CSRNP3: variants seen among roughly 807,000 people sequenced by gnomAD.
CSRNP3 encodes cysteine and serine rich nuclear protein 3.
In CSRNP3, 12 loss-of-function variants were observed where a neutral mutation model predicts 48.0. That is an observed-to-expected ratio of 0.25 (90% confidence interval 0.16 to 0.41). The LOEUF (loss-of-function observed/expected upper bound fraction) is 0.41. Among genes scored for constraint, CSRNP3 ranks in the 10% least tolerant of loss-of-function variants. The pLI is 1.00. For missense variants in CSRNP3, 580 were observed against 724.4 expected, an observed-to-expected ratio of 0.80 and a Z score of 2.29; for synonymous variants, 263 against 269.7, an observed-to-expected ratio of 0.98 and a Z score of 0.24.
intron 4 of CSRNP3, among the ~76,000 whole-genome samples, chr2:165,596,898 A>G (rs1206992591): frequency 6.6e-6 from 1 of 152,200 alleles, no homozygotes. Context: ...CTATGCTCCA[A>G]TAGCTTTATA....
chr2:165,575,408 T>C (rs1685432263), intron 3 of CSRNP3, among the ~76,000 whole-genome samples: 1 of 55,156 alleles, frequency 1.8e-5, no homozygotes, highest in Admixed American at 1.8e-4. Flanking sequence ...TTGCATCAAC[T>C]GTGCATCTGT....
chr2:165,498,912 G>T (rs554439418), intron 2 of CSRNP3, among the ~76,000 whole-genome samples: 52 of 152,212 alleles, frequency 3.4e-4, no homozygotes, highest in Non-Finnish European at 7.1e-4. Flanking sequence ...AAGAGCACAA[G>T]AATTAAAGTT....
At chr2:165,615,469 G>T (rs1345701457) in intron 4 of CSRNP3, among the ~76,000 whole-genome samples, 1 of 151,744 alleles carries the variant, frequency 6.6e-6, no homozygotes, top group South Asian at 2.1e-4. Flanking sequence ...TGTGAACCCG[G>T]GAGGCAGAGC....
At chr2:165,619,583 AC>A (rs1168328329) in intron 4 of CSRNP3, among the ~76,000 whole-genome samples, 1 of 152,114 alleles carries the variant, frequency 6.6e-6, no homozygotes, top group Non-Finnish European at 1.5e-5. Context: ...AAAGTTCTAC[AC>A]ACATACAAAC....
intron 4 of CSRNP3, among the ~76,000 whole-genome samples, chr2:165,616,444 T>C (rs1352438985): frequency 6.6e-6 from 1 of 152,230 alleles, no homozygotes; most frequent in East Asian, 1.9e-4. Context: ...GCATTTCCCG[T>C]AGGACCAGAC....
chr2:165,575,168 T>A (rs1685428390), intron 3 of CSRNP3, among the ~76,000 whole-genome samples: 1 of 152,204 alleles, frequency 6.6e-6, no homozygotes, highest in Admixed American at 6.5e-5. Flanking sequence ...CTTCTTTCCA[T>A]GCACGAAATA....
intron 3 of CSRNP3, chr2:165,574,311 G>GA (rs775253960): frequency 6.1e-6 from 9 of 1,479,214 alleles, no homozygotes; most frequent in East Asian, 2.5e-5. Context: ...TCAGTTGCCT[G>GA]AAAAAAATGT....
At chr2:165,532,060 A>G (rs1442838332) in intron 3 of CSRNP3, among the ~76,000 whole-genome samples, 4 of 152,198 alleles carry the variant, frequency 2.6e-5, no homozygotes, top group Non-Finnish European at 5.9e-5. Flanking sequence ...AATTGAGGCA[A>G]CAATCAATAG....
chr2:165,535,314 T>C (rs1217640252), intron 3 of CSRNP3, among the ~76,000 whole-genome samples: 1 of 151,534 alleles, frequency 6.6e-6, no homozygotes, highest in Non-Finnish European at 1.5e-5. Context: ...CTTTAGCTTG[T>C]TCTTTTTTTT....
chr2:165,556,526 G>A (rs552388860), intron 3 of CSRNP3, among the ~76,000 whole-genome samples: 57 of 152,286 alleles, frequency 3.7e-4, no homozygotes, highest in African/African-American at 1.4e-3. Context: ...AAGTGGGAAT[G>A]GTTGCAGGAG....
intron 3 of CSRNP3, among the ~76,000 whole-genome samples, chr2:165,567,279 T>C (rs992055269): frequency 5.3e-5 from 8 of 152,110 alleles, no homozygotes; most frequent in African/African-American, 1.9e-4. Context: ...ATCTTTTGTG[T>C]TCTCTGAGAG....
At position 165,559,476 on chromosome 2, in the gene CSRNP3, CCAAGATAAATGCTAGGAAACTG is replaced by C. The variant is rs201679650; in HGVS notation, c.-23-35566_-23-35545del. On this transcript the variant is annotated intron_variant, in intron 3 of 6. Coordinates refer to ENST00000651982, the MANE Select transcript of CSRNP3 (RefSeq NM_001172173.2). The stretch of plus-strand genomic sequence containing the variant: ...CTGATAAAACTTTAAATACACTAGA[CCAAGATAAATGCTAGGAAACTG>C]ATATTTTTTAAAAAATGAACAAAAA... 5.3e-5 allele frequency among the ~76,000 whole-genome samples: 8 copies of C among 151,862 alleles called. No homozygotes were observed. In the East Asian group the frequency reaches 1.5e-3, roughly 29 times the overall value.
intron 1 of CSRNP3, among the ~76,000 whole-genome samples, chr2:165,481,459 C>T (rs542932073): frequency 1.2e-4 from 18 of 152,114 alleles, no homozygotes; most frequent in African/African-American, 3.9e-4. Context: ...AGGGAGGCAA[C>T]GTGCCCTGAC....
At chr2:165,632,989 G>A (rs1273034148) in intron 4 of CSRNP3, among the ~76,000 whole-genome samples, 2 of 152,138 alleles carry the variant, frequency 1.3e-5, no homozygotes, top group African/African-American at 4.8e-5. Context: ...GATATAATCT[G>A]TAATATTTGA....
chr2:165,658,745 A>G (rs894980215), intron 5 of CSRNP3, among the ~76,000 whole-genome samples: 3 of 152,202 alleles, frequency 2.0e-5, no homozygotes, highest in African/African-American at 7.2e-5. Flanking sequence ...CAAGTGAAAA[A>G]GGAAACTCCT....
rs559041826 is a variant in CSRNP3 at position 165,662,517 on chromosome 2, C to A, written c.408+4497C>A. On this transcript the variant is annotated intron_variant, in intron 5 of 6. Transcript: ENST00000651982. ...AACATGTCATACTCTTCACAGTAATCAATGCAGTCATCTTAATACTATACA... is the reference window on the plus strand; with the variant it reads ...AACATGTCATACTCTTCACAGTAATAAATGCAGTCATCTTAATACTATACA... 2.0e-5 allele frequency among the ~76,000 whole-genome samples: 3 copies of A among 152,322 alleles called. No individual in the cohort carries two copies. In the East Asian group the frequency reaches 5.8e-4, roughly 29 times the overall value.
chr2:165,526,086 C>T (rs1684729240), intron 3 of CSRNP3, among the ~76,000 whole-genome samples: 2 of 152,144 alleles, frequency 1.3e-5, no homozygotes, highest in Non-Finnish European at 2.9e-5. Context: ...TTGTGTCCGA[C>T]TGACGTATGT....
intron 1 of CSRNP3, among the ~76,000 whole-genome samples, chr2:165,471,068 T>C (rs1683889425): frequency 6.6e-6 from 1 of 151,992 alleles, no homozygotes. Context: ...ATATAATAGT[T>C]CTTGGAAAAT....
chr2:165,626,711 A>G (rs550005463), intron 4 of CSRNP3, among the ~76,000 whole-genome samples: 2 of 152,266 alleles, frequency 1.3e-5, no homozygotes, highest in African/African-American at 4.8e-5. Flanking sequence ...CTTGGTACCC[A>G]GTGGCCAAAT....
Sources: gnomAD v4.1 joint callset for allele counts (sites outside exome capture counted in the v4.1 genomes callset) on GRCh38, gnomAD v4.1.1 for gene constraint, MANE v1.5 for transcripts, NCBI Gene and HGNC (gene_info 2026-07-23, HGNC 2026-07-21) for gene names.